The following MROH7 variants were observed in gnomAD, a reference collection of about 807,000 sequenced individuals.
MROH7 encodes maestro heat-like repeat-containing protein family member 7.
A neutral mutation model predicts 129.2 loss-of-function variants in MROH7; 113 were observed. The ratio of observed to expected loss-of-function variants is 0.87; its 90% CI spans 0.75 to 1.02. MROH7 has a LOEUF of 1.02. MROH7 is among the 50% of genes least tolerant of loss of function. The probability of loss-of-function intolerance (pLI) is 0.00; values close to 1 mark genes in which losing one functional copy is unlikely to be tolerated. For missense variants in MROH7, 1,601 were observed against 1,671.3 expected, an observed-to-expected ratio of 0.96 and a Z score of 0.73; for synonymous variants, 655 against 667.9, an observed-to-expected ratio of 0.98 and a Z score of 0.30.
At position 54,700,434 on chromosome 1, in the gene MROH7, G is replaced by C. The variant is rs769991729; in HGVS notation, c.3078G>C (p.Leu1026=). ...PIMKVLSIRG[L]VILARRSEKT... is the part of the protein sequence containing the mutation. The stretch of plus-strand genomic sequence containing the variant: ...TGAAGGTGCTGTCCATTCGAGGCCT[G>C]GTCATCCTGGCCCGCAGGTCTGAGA... The change falls in exon 18 of 24, where the codon CTG becomes CTC. Residue 1026 remains leucine (L), a synonymous_variant. Coordinates refer to ENST00000421030, the MANE Select transcript of MROH7 (RefSeq NM_001039464.4). 3 of 1,606,882 alleles carry C rather than the reference G, an allele frequency of 1.9e-6. No homozygotes were observed. The highest frequency in any genetic ancestry group is 2.6e-6 in the Non-Finnish European group (3 of 1,175,740).
At chr1:54,699,159 T>TTTCTTTCTTTCC (rs71048705) in intron 17 of MROH7, 3 of 65,920 alleles carry the variant, frequency 4.6e-5, no homozygotes, top group African/African-American at 1.7e-4. Context: ...TCTTTCTTTC[T>TTTCTTTCTTTCC]TTTCTTTCTT....
intron 3 of MROH7, chr1:54,659,071 G>A: frequency 2.3e-6 from 1 of 431,906 alleles, no homozygotes; most frequent in Admixed American, 2.6e-5. Context: ...TGTATTTACT[G>A]TGTGTGGTTT....
intron 1 of MROH7, among the ~76,000 whole-genome samples, chr1:54,649,234 G>A (rs562464426): frequency 6.6e-6 from 1 of 152,352 alleles, no homozygotes; most frequent in African/African-American, 2.4e-5. Context: ...GGTGGAGAAG[G>A]GAGGATGGCA....
intron 1 of MROH7, among the ~76,000 whole-genome samples, chr1:54,650,257 A>G (rs769722215): frequency 8.5e-5 from 13 of 152,210 alleles, no homozygotes; most frequent in Non-Finnish European, 1.3e-4. Flanking sequence ...TCTCTTGCCC[A>G]TGTTCACCCA....
chr1:54,710,177 T>TG lies in MROH7; in HGVS notation c.3963dup (p.Lys1322GlufsTer?), dbSNP rs756389472. ...GCACTGGGCTCCTGGAAGATGTCCTTGAAGAAGTGACGTCCCTGAGCCCCA... is the reference window on the plus strand; with the variant it reads ...GCACTGGGCTCCTGGAAGATGTCCTTGGAAGAAGTGACGTCCCTGAGCCCCA... On this transcript the variant is annotated frameshift_variant, in exon 24 of 24. Transcript: ENST00000421030. LOFTEE classifies it high-confidence loss of function. The TG allele has an allele frequency of 1.2e-6, 2 of 1,611,822 alleles. No homozygotes were observed. The highest frequency in any genetic ancestry group is 2.7e-5 in the African/African-American group (2 of 74,902).
intron 1 of MROH7, among the ~76,000 whole-genome samples, chr1:54,649,645 G>T (rs556859076): frequency 1.3e-5 from 2 of 152,236 alleles, no homozygotes; most frequent in Non-Finnish European, 1.5e-5. Context: ...GCCCAAACAA[G>T]TTAGGTCTTT....
In MROH7 at chr1:54,653,973, C is replaced by T; in HGVS notation, c.1047C>T (p.Ser349=). 3.7e-6 allele frequency: 6 copies of T among 1,614,250 alleles called. No homozygotes were observed. The highest frequency in any genetic ancestry group is 5.1e-6 in the Non-Finnish European group (6 of 1,180,048). The change falls in exon 3 of 24, where the codon TCC becomes TCT. Residue 349 remains serine, a synonymous_variant. Transcript: ENST00000421030. ...CCAGCCTCCTGTTCAGCGACACCTC[C>T]ACCTTGACGCTGAGCAGTCAGCAGG... ...LDSSLLFSDT[S]TLTLSSQQDD... is the part of the protein sequence containing the mutation.
chr1:54,671,000 C>G, intron 7 of MROH7, 71 bp downstream of exon 7: 1 of 1,490,824 alleles, frequency 6.7e-7, no homozygotes. Flanking sequence ...GAGCTGCATC[C>G]TCCGGCTCAT....
chr1:54,657,576 T>A (rs902959537), intron 3 of MROH7, among the ~76,000 whole-genome samples: 6 of 150,324 alleles, frequency 4.0e-5, no homozygotes, highest in Non-Finnish European at 8.9e-5. Flanking sequence ...GAGACCTCGC[T>A]ATGTTGCCCA....
intron 15 of MROH7, 43 bp downstream of exon 15, chr1:54,686,491 G>A (rs1645150763): frequency 6.4e-7 from 1 of 1,569,084 alleles, no homozygotes; most frequent in Non-Finnish European, 8.7e-7. Flanking sequence ...CCCCGGTGGT[G>A]GGAAGGGCCA....
At chr1:54,678,961 C>T (rs1018245670) in intron 11 of MROH7, 107 bp downstream of exon 11, 23 of 926,440 alleles carry the variant, frequency 2.5e-5, no homozygotes, top group African/African-American at 8.2e-5. Context: ...CTTTGCAGGA[C>T]GCCTTCCCAG....
At chr1:54,692,668 C>T in intron 16 of MROH7, 107 bp downstream of exon 16, 1 of 1,175,990 alleles carries the variant, frequency 8.5e-7, no homozygotes, top group Non-Finnish European at 1.2e-6. Context: ...AGACCCTTTG[C>T]TCAGTCTGTC....
rs977718517 is a variant in MROH7 at position 54,665,238 on chromosome 1, C to T, written c.1303C>T (p.Leu435=). ...GACAGAAGGTGGCAACAACATGGCT[C>T]TGGTATGCCTCCTGCCCAACCCCTA... The part of the protein sequence containing the change: ...EKTEGGNNMA[L]VENVTTLQKS... The change falls in exon 4 of 24, where the codon CTG becomes TTG. Residue 435 remains leucine (L), a splice_region_variant and synonymous_variant. Coordinates refer to ENST00000421030, the MANE Select transcript of MROH7 (RefSeq NM_001039464.4). 1 of 1,613,214 alleles carries T rather than the reference C, an allele frequency of 6.2e-7. No homozygotes were observed. Among genetic ancestry groups the T allele is most frequent in the Non-Finnish European group, 8.5e-7 (1 of 1,179,388 alleles).
intron 1 of MROH7, among the ~76,000 whole-genome samples, chr1:54,644,802 T>G (rs1294085414): frequency 9.2e-6 from 1 of 109,178 alleles, no homozygotes; most frequent in Non-Finnish European, 1.8e-5. Flanking sequence ...GCCAAATAAC[T>G]TTTTTTTTTT....
rs920969649 is a variant in MROH7 at position 54,686,379 on chromosome 1, T to C, written c.2642T>C (p.Leu881Pro). The C allele has an allele frequency of 1.2e-6, 2 of 1,614,150 alleles. No homozygotes were observed. Among genetic ancestry groups the C allele is most frequent in the Non-Finnish European group, 1.7e-6 (2 of 1,180,034 alleles). Residue 881 changes from leucine (L) to proline (P), a missense_variant, in exon 15 of 24, where the codon CTG (leucine) becomes CCG (proline). By Grantham distance (98) the Leu-to-Pro change is moderately conservative. Transcript: ENST00000421030. ...IQVHYHIGLN[L>P]PGCVAPPKDT... ...GTCCATTACCACATCGGCCTCAACCTGCCTGGCTGCGTGGCTCCTCCCAAG... is the reference window on the plus strand; with the variant it reads ...GTCCATTACCACATCGGCCTCAACCCGCCTGGCTGCGTGGCTCCTCCCAAG...
intron 3 of MROH7, among the ~76,000 whole-genome samples, chr1:54,658,389 T>C (rs1644680816): frequency 6.6e-6 from 1 of 152,234 alleles, no homozygotes; most frequent in Non-Finnish European, 1.5e-5. Context: ...CTTTGTGGTA[T>C]GTTTTGAAAT....
At chr1:54,646,969 A>G (rs1479569175) in intron 1 of MROH7, among the ~76,000 whole-genome samples, 1 of 152,222 alleles carries the variant, frequency 6.6e-6, no homozygotes, top group African/African-American at 2.4e-5. Context: ...CACATGCATG[A>G]GTACTTCATT....
chr1:54,699,159 T>TTTCC (rs71048705), intron 17 of MROH7: 1 of 65,978 alleles, frequency 1.5e-5, no homozygotes, highest in Non-Finnish European at 3.1e-5. Flanking sequence ...TCTTTCTTTC[T>TTTCC]TTTCTTTCTT....
intron 3 of MROH7, among the ~76,000 whole-genome samples, chr1:54,663,055 T>C (rs1322591176): frequency 6.6e-6 from 1 of 152,166 alleles, no homozygotes; most frequent in Non-Finnish European, 1.5e-5. Flanking sequence ...GCTGTTTGCT[T>C]TCATCACTTG....
Sources: allele counts gnomAD v4.1 joint callset (sites outside exome capture counted in the v4.1 genomes callset), GRCh38; gene constraint gnomAD v4.1.1; transcripts MANE v1.5; gene names NCBI Gene and HGNC (gene_info 2026-07-23, HGNC 2026-07-21).